The following PPFIA2 variants were observed in gnomAD, a reference collection of about 807,000 sequenced individuals.
PPFIA2 encodes PPFI scaffold protein A2.
A neutral mutation model predicts 175.5 loss-of-function variants in PPFIA2; 46 were observed. The observed-to-expected ratio is 0.26, with a 90% CI of 0.21 to 0.34. The LOEUF is 0.34. PPFIA2 is among the 10% of genes least tolerant of loss of function. PPFIA2 has a pLI of 1.00. For synonymous variants in PPFIA2, 568 were observed against 511.4 expected, an observed-to-expected ratio of 1.11 and a Z score of -1.49; for missense variants, 1,179 against 1,506.1, an observed-to-expected ratio of 0.78 and a Z score of 3.60.
chr12:81,444,011 C>T (rs1224430958), intron 6 of PPFIA2, among the ~76,000 whole-genome samples: 1 of 150,944 alleles, frequency 6.6e-6, no homozygotes, highest in African/African-American at 2.4e-5. Context: ...CCCGCCACCA[C>T]GCCCAGCTAA....
At chr12:81,607,800 G>T (rs2060481366) in intron 4 of PPFIA2, among the ~76,000 whole-genome samples, 1 of 151,882 alleles carries the variant, frequency 6.6e-6, no homozygotes, top group African/African-American at 2.4e-5. Flanking sequence ...TCTCTTATTT[G>T]AATGCTCTGG....
chr12:81,340,702 TTTAA>T (rs2057896373), intron 20 of PPFIA2, among the ~76,000 whole-genome samples: 1 of 152,128 alleles, frequency 6.6e-6, no homozygotes, highest in Admixed American at 6.6e-5. Context: ...CTTTTCAGAC[TTTAA>T]TTACGCTTAT....
rs976767051 is a variant in PPFIA2, at chr12:81,758,450, C to T, written c.-53G>A. The T allele has an allele frequency of 6.6e-6, 3 of 456,490 alleles. No homozygotes were observed. The highest frequency in any genetic ancestry group is 6.0e-5 in the African/African-American group (3 of 50,042). The allele number at this position is 456,490 out of a possible 1,614,324, so 28.3% of individuals were successfully genotyped here. On this transcript the variant is annotated 5_prime_UTR_variant, in exon 2 of 33. Transcript: ENST00000549396. ...GCTTCTTCAATTGATCAATGACAAC[C>T]GCAGTCTCCGGCTTGAGGAGAAGGG...
intron 3 of PPFIA2, among the ~76,000 whole-genome samples, chr12:81,738,395 G>A (rs767852734): frequency 6.6e-6 from 1 of 151,926 alleles, no homozygotes; most frequent in Non-Finnish European, 1.5e-5. Context: ...AATGATCCCA[G>A]ATGAAAAGCC....
intron 4 of PPFIA2, among the ~76,000 whole-genome samples, chr12:81,661,114 C>A (rs929468523): frequency 1.3e-5 from 2 of 152,084 alleles, no homozygotes; most frequent in Admixed American, 6.6e-5. Flanking sequence ...TAAAGACCAT[C>A]GAGGCTAGGA....
intron 4 of PPFIA2, among the ~76,000 whole-genome samples, chr12:81,658,841 A>G (rs184348735): frequency 6.6e-6 from 1 of 152,286 alleles, no homozygotes; most frequent in African/African-American, 2.4e-5. Context: ...AAACATTTGC[A>G]ATTTCTATGG....
At chr12:81,498,905 G>A (rs759949351) in intron 4 of PPFIA2, among the ~76,000 whole-genome samples, 46 of 152,252 alleles carry the variant, frequency 3.0e-4, no homozygotes, top group African/African-American at 9.9e-4. Flanking sequence ...TTAGAGACGT[G>A]AGCCACCGTG....
chr12:81,504,761 T>C (rs553695965), intron 4 of PPFIA2, among the ~76,000 whole-genome samples: 3 of 152,274 alleles, frequency 2.0e-5, no homozygotes, highest in South Asian at 2.1e-4. Flanking sequence ...CCATCAGTGA[T>C]AGACTGGATA....
Position 81,375,698 on chromosome 12 carries a change from C to T in PPFIA2, c.1131+98G>A, listed in dbSNP as rs563454477. Reference sequence around the variant, plus strand: ...TTTCAAATTTTAGAGAATGATTACTCAAACATCTGTCAAGAAGTACCCTAT... The same window carrying T: ...TTTCAAATTTTAGAGAATGATTACTTAAACATCTGTCAAGAAGTACCCTAT... On this transcript the variant is annotated intron_variant, in intron 10 of 32. Transcript: ENST00000549396. 1.2e-4 allele frequency: 144 copies of T among 1,236,646 alleles called. No homozygotes were observed. The South Asian group carries it at 1.9e-3, about 16-fold the overall frequency. 76.6% of individuals were successfully genotyped at this position (1,236,646 alleles called of 1,614,324 possible). A position where few individuals can be genotyped will look rare whatever the true frequency, so the allele number is the denominator to read the frequency against.
At chr12:81,479,874 A>G (rs1046442788) in intron 4 of PPFIA2, among the ~76,000 whole-genome samples, 1 of 151,950 alleles carries the variant, frequency 6.6e-6, no homozygotes, top group Non-Finnish European at 1.5e-5. Flanking sequence ...GAATCTGATG[A>G]TTATGTGTCT....
chr12:81,371,930 C>CAA (rs766565687), intron 11 of PPFIA2, among the ~76,000 whole-genome samples: 1 of 139,162 alleles, frequency 7.2e-6, no homozygotes, highest in Non-Finnish European at 1.6e-5. Flanking sequence ...CACACACAAA[C>CAA]ACACACACAC....
chr12:81,369,045 T>A lies in PPFIA2; in HGVS notation c.1350+66A>T, dbSNP rs1219821448. 1.7e-5 allele frequency: 24 copies of A among 1,377,622 alleles called. No homozygotes were observed. In the South Asian group the frequency reaches 2.5e-4, roughly 14 times the overall value. The allele number at this position is 1,377,622 out of a possible 1,614,324, so 85.3% of individuals were successfully genotyped here. A position where few individuals can be genotyped will look rare whatever the true frequency, so the allele number is the denominator to read the frequency against. On this transcript the variant is annotated intron_variant, in intron 12 of 32. Coordinates refer to ENST00000549396, the MANE Select transcript of PPFIA2 (RefSeq NM_003625.5). Reference sequence around the variant, plus strand: ...AACCCATACTCAGTTAAAGGCTTTCTTCTTATATACAGAATACGAATTCAT... The same window carrying A: ...AACCCATACTCAGTTAAAGGCTTTCATCTTATATACAGAATACGAATTCAT...
Position 81,445,575 on chromosome 12 carries a change from T to C in PPFIA2, c.551A>G (p.His184Arg). The change falls in exon 6 of 33, where the codon CAC becomes CGC. Residue 184 changes from histidine (H) to arginine (R), a missense_variant. By Grantham distance (29) the His-to-Arg change is conservative (BLOSUM62 0). Transcript: ENST00000549396. ...LKALKSLFEH[H>R]KALDEKVRER... ...CTATACCTTTTCATCCAAGGCCTTG[T>C]GGTGCTCAAACAAAGATTTCAGTGC... The C allele has an allele frequency of 1.2e-6, 2 of 1,613,782 alleles. No individual in the cohort carries two copies. Among genetic ancestry groups the C allele is most frequent in the Non-Finnish European group, 1.7e-6 (2 of 1,179,800 alleles).
At chr12:81,657,685 C>T (rs1173712008) in intron 4 of PPFIA2, among the ~76,000 whole-genome samples, 1 of 151,972 alleles carries the variant, frequency 6.6e-6, no homozygotes, top group Non-Finnish European at 1.5e-5. Context: ...ACTGATGTAC[C>T]TTAAACAGTT....
intron 4 of PPFIA2, among the ~76,000 whole-genome samples, chr12:81,492,807 A>G (rs1407778291): frequency 1.3e-5 from 2 of 152,104 alleles, no homozygotes; most frequent in Non-Finnish European, 2.9e-5. Context: ...TAATCCTTTC[A>G]GCTGCTATTT....
intron 3 of PPFIA2, among the ~76,000 whole-genome samples, chr12:81,722,145 T>C (rs1055820365): frequency 1.3e-5 from 2 of 151,018 alleles, no homozygotes; most frequent in Non-Finnish European, 3.0e-5. Flanking sequence ...ATACAGATGA[T>C]GCAATATATA....
chr12:81,555,841 GCTT>G (rs2068762893), intron 4 of PPFIA2, among the ~76,000 whole-genome samples: 1 of 151,884 alleles, frequency 6.6e-6, no homozygotes, highest in Non-Finnish European at 1.5e-5. Flanking sequence ...TTACTGCTAT[GCTT>G]CTTCTGGGTA....
intron 4 of PPFIA2, among the ~76,000 whole-genome samples, chr12:81,547,518 G>A (rs559316039): frequency 6.6e-6 from 1 of 152,240 alleles, no homozygotes; most frequent in Non-Finnish European, 1.5e-5. Context: ...TGGGATTACA[G>A]GCATGCGCCA....
intron 6 of PPFIA2, among the ~76,000 whole-genome samples, chr12:81,444,746 T>C (rs1446140918): frequency 2.0e-5 from 3 of 152,118 alleles, no homozygotes; most frequent in African/African-American, 7.2e-5. Context: ...AACTGGGAAA[T>C]AATCCCTAGT....
Sources: gnomAD v4.1 joint callset for allele counts (sites outside exome capture counted in the v4.1 genomes callset) on GRCh38, gnomAD v4.1.1 for gene constraint, MANE v1.5 for transcripts, NCBI Gene and HGNC (gene_info 2026-07-23, HGNC 2026-07-21) for gene names.